CPEB4: variants seen among roughly 807,000 people sequenced by gnomAD.
CPEB4 encodes cytoplasmic polyadenylation element-binding protein 4.
CPEB4 carries 12 observed loss-of-function variants against 72.5 expected under a neutral mutation model. The ratio of observed to expected loss-of-function variants is 0.17; its 90% CI spans 0.11 to 0.27. The LOEUF is 0.27. Ranked by LOEUF, CPEB4 falls within the 10% of genes least tolerant of loss-of-function variation. CPEB4 has a pLI of 1.00. For missense variants in CPEB4, 614 were observed against 908.5 expected (o/e 0.68, Z 4.17); for synonymous variants, 302 against 326.3 (o/e 0.93, Z 0.80).
Position 173,890,105 on chromosome 5 carries a change from G to A in CPEB4, c.372G>A (p.Ser124=), listed in dbSNP as rs920565677. 2.5e-6 allele frequency: 4 copies of A among 1,614,108 alleles called. No homozygotes were observed. In the Admixed American group the frequency reaches 6.7e-5, roughly 27 times the overall value. The stretch of plus-strand genomic sequence containing the variant: ...AAGAAAATCAAGGGGACAATTCTTC[G>A]GAAAATGGCAATGGGAAGGAGAAAA... ...KSEENQGDNS[S]ENGNGKEKIR... is the part of the protein sequence containing the mutation. The change falls in exon 1 of 10, where the codon TCG becomes TCA. Residue 124 remains serine (S), a synonymous_variant. Coordinates refer to ENST00000265085, the MANE Select transcript of CPEB4 (RefSeq NM_030627.4).
In CPEB4 at chr5:173,895,176, GA is replaced by G. The variant is rs572394008; in HGVS notation, c.1125+4328del. Among the ~76,000 whole-genome samples the G allele has an allele frequency of 8.2e-3, 1,218 of 149,150 alleles. 14 individuals are homozygous for G. Among genetic ancestry groups the G allele is most frequent in the Middle Eastern group, 0.014 (4 of 290 alleles). On this transcript the variant is annotated intron_variant, in intron 1 of 9. Transcript: ENST00000265085. ...GGCATGATTGGACCCTTACAGTAAGGAAAAAAAAAATCCTGTCTTACCAAAC... is the reference window on the plus strand; with the variant it reads ...GGCATGATTGGACCCTTACAGTAAGGAAAAAAAAATCCTGTCTTACCAAAC...
At position 173,900,764 on chromosome 5, in the gene CPEB4, C is replaced by T. The variant is rs539380465; in HGVS notation, c.1126-9759C>T. On this transcript the variant is annotated intron_variant, in intron 1 of 9. Coordinates refer to ENST00000265085, the MANE Select transcript of CPEB4 (RefSeq NM_030627.4). The surrounding 1 kb of genome is among the most constrained non-coding windows in gnomAD (Gnocchi z 4.4). The stretch of plus-strand genomic sequence containing the variant: ...GAGTTTCATGCTTTTTTTCATTGCA[C>T]CATAGAAGGGGCAGAGAAATGTTTA... Among the ~76,000 whole-genome samples, 83 of 152,096 alleles carry T rather than the reference C, an allele frequency of 5.5e-4. No individual in the cohort carries two copies. Among genetic ancestry groups the T allele is most frequent in the Admixed American group, 9.8e-4 (15 of 15,292 alleles).
At chr5:173,913,597 G>A (rs748213405) in intron 2 of CPEB4, among the ~76,000 whole-genome samples, 5 of 152,066 alleles carry the variant, frequency 3.3e-5, no homozygotes, top group African/African-American at 9.7e-5. Flanking sequence ...TTTGCTCAAC[G>A]GATAATTGTT....
At chr5:173,930,202 C>T (rs1309187663) in intron 2 of CPEB4, among the ~76,000 whole-genome samples, 12 of 152,076 alleles carry the variant, frequency 7.9e-5, no homozygotes, top group Non-Finnish European at 8.8e-5. Flanking sequence ...TGATTACAAG[C>T]GTGCACCACC....
In CPEB4 at chr5:173,954,414, C is replaced by T. The variant is rs551253977; in HGVS notation, c.1962+1142C>T. 2.3e-4 allele frequency among the ~76,000 whole-genome samples: 35 copies of T among 152,244 alleles called. No individual in the cohort carries two copies. The Middle Eastern group carries it at 0.02, about 89-fold the overall frequency. ...TTGAGATGGAGTCTCTCTCCGTCAC[C>T]CAGGCTGGAGTGCAGTGGTACAGTC... On this transcript the variant is annotated intron_variant, in intron 9 of 9. Coordinates refer to ENST00000265085, the MANE Select transcript of CPEB4 (RefSeq NM_030627.4).
rs1758472651 is a variant in CPEB4, at chr5:173,959,236, TTACA to T, written c.*3101_*3104del. The stretch of plus-strand genomic sequence containing the variant: ...TACTTACAATGTAGTTACAGAGTAA[TTACA>T]TGGTGATTTTTGCAATGTAAAATAA... On this transcript the variant is annotated 3_prime_UTR_variant, in exon 10 of 10. Coordinates refer to ENST00000265085, the MANE Select transcript of CPEB4 (RefSeq NM_030627.4). The T allele has an allele frequency of 6.5e-6, 1 of 152,780 alleles. No individual in the cohort carries two copies. Among genetic ancestry groups the T allele is most frequent in the Non-Finnish European group, 1.5e-5 (1 of 68,024 alleles). The allele number at this position is 152,780 out of a possible 1,614,324, so 9.5% of individuals were successfully genotyped here. A position where few individuals can be genotyped will look rare whatever the true frequency, so the allele number is the denominator to read the frequency against.
chr5:173,906,926 G>A (rs1756457305), intron 1 of CPEB4, among the ~76,000 whole-genome samples: 1 of 152,168 alleles, frequency 6.6e-6, no homozygotes, highest in Non-Finnish European at 1.5e-5. Context: ...GGTAGTGGGA[G>A]GAAAGTGTGG....
In CPEB4 at chr5:173,889,464, C is replaced by T. The variant is rs1454729507; in HGVS notation, c.-270C>T. 9.3e-6 allele frequency: 3 copies of T among 322,424 alleles called. No individual in the cohort carries two copies. Among genetic ancestry groups the T allele is most frequent in the African/African-American group, 2.2e-5 (1 of 46,432 alleles). The allele number at this position is 322,424 out of a possible 1,614,324, so 20.0% of individuals were successfully genotyped here. On this transcript the variant is annotated 5_prime_UTR_variant, in exon 1 of 10. Transcript: ENST00000265085. The stretch of plus-strand genomic sequence containing the variant: ...TACTAACCAAAGACTTGATTTTTAC[C>T]CTCTTCATTTTTATTCCCTCCTAAA...
chr5:173,898,450 T>C (rs1206362589), intron 1 of CPEB4, among the ~76,000 whole-genome samples: 1 of 152,216 alleles, frequency 6.6e-6, no homozygotes, highest in Non-Finnish European at 1.5e-5. Flanking sequence ...ATTAGCTATG[T>C]GACCTAGGCA....
At position 173,957,023 on chromosome 5, in the gene CPEB4, C is replaced by T. The variant is rs929657188; in HGVS notation, c.*886C>T. On this transcript the variant is annotated 3_prime_UTR_variant, in exon 10 of 10. Coordinates refer to ENST00000265085, the MANE Select transcript of CPEB4 (RefSeq NM_030627.4). ...ACTGGTGGGAAACCTAGCATTTCCT[C>T]TCCTGAAGAATAAATGTATAAATGT... is the stretch of plus-strand genomic sequence containing the variant. The T allele has an allele frequency of 1.6e-4, 24 of 152,622 alleles. No homozygotes were observed. The highest frequency in any genetic ancestry group is 4.8e-4 in the African/African-American group (20 of 41,430). The allele number at this position is 152,622 out of a possible 1,614,324, so 9.5% of individuals were successfully genotyped here. A position where few individuals can be genotyped will look rare whatever the true frequency, so the allele number is the denominator to read the frequency against.
In CPEB4 at chr5:173,889,673, A is replaced by G; in HGVS notation, c.-61A>G. 1 of 1,433,826 alleles carries G rather than the reference A, an allele frequency of 7.0e-7. No homozygotes were observed. Among genetic ancestry groups the G allele is most frequent in the Non-Finnish European group, 9.4e-7 (1 of 1,062,236 alleles). 88.8% of individuals were successfully genotyped at this position (1,433,826 alleles called of 1,614,324 possible). ...ACTTAAATTTGGGGTAGAGGAAAAA[A>G]AAGGCGTGAGACATCAGGTTGTCAT... On this transcript the variant is annotated 5_prime_UTR_variant, in exon 1 of 10. Transcript: ENST00000265085.
chr5:173,903,844 A>G (rs138012964), intron 1 of CPEB4, among the ~76,000 whole-genome samples: 30 of 151,392 alleles, frequency 2.0e-4, no homozygotes, highest in Admixed American at 9.2e-4. Flanking sequence ...GTGTATACTA[A>G]AAACAAGGGT....
At position 173,900,113 on chromosome 5, in the gene CPEB4, G is replaced by C. The variant is rs546167579; in HGVS notation, c.1125+9255G>C. Among the ~76,000 whole-genome samples, 1 of 152,210 alleles carries C rather than the reference G, an allele frequency of 6.6e-6. No homozygotes were observed. Among genetic ancestry groups the C allele is most frequent in the African/African-American group, 2.4e-5 (1 of 41,550 alleles). On this transcript the variant is annotated intron_variant, in intron 1 of 9. Coordinates refer to ENST00000265085, the MANE Select transcript of CPEB4 (RefSeq NM_030627.4). The surrounding 1 kb of genome is among the most constrained non-coding windows in gnomAD (Gnocchi z 4.4). ...ACATAAGCTTCAGTTTAGGAATAAA[G>C]GTTGTGCATTGGCCAGGTGTGGTGG...
In CPEB4 at chr5:173,905,138, C is replaced by T. The variant is rs536133090; in HGVS notation, c.1126-5385C>T. 7.9e-5 allele frequency among the ~76,000 whole-genome samples: 12 copies of T among 151,850 alleles called. No individual in the cohort carries two copies. In the South Asian group the frequency reaches 1.9e-3, roughly 24 times the overall value. On this transcript the variant is annotated intron_variant, in intron 1 of 9. Coordinates refer to ENST00000265085, the MANE Select transcript of CPEB4 (RefSeq NM_030627.4). ...GTAGGTCTGCTTTTCTAATTTCTCC[C>T]TTTAGGGTGCCAAGAGAAACTGGCA...
At chr5:173,926,620 C>A (rs1479605966) in intron 2 of CPEB4, among the ~76,000 whole-genome samples, 2 of 152,200 alleles carry the variant, frequency 1.3e-5, no homozygotes, top group African/African-American at 4.8e-5. Flanking sequence ...GCTTCTGGTT[C>A]CAAATTCTGC....
chr5:173,892,990 T>G (rs1212394812), intron 1 of CPEB4: 1 of 144,230 alleles, frequency 6.9e-6, no homozygotes, highest in Non-Finnish European at 1.5e-5. Flanking sequence ...CCCCACCATT[T>G]GTAGCTCTGT....
At chr5:173,919,475 G>A (rs1342967345) in intron 2 of CPEB4, among the ~76,000 whole-genome samples, 1 of 152,196 alleles carries the variant, frequency 6.6e-6, no homozygotes, top group Non-Finnish European at 1.5e-5. Context: ...TTAATAGAGT[G>A]TATTGTGCAC....
Position 173,892,274 on chromosome 5 carries a change from AT to A in CPEB4, c.1125+1431del, listed in dbSNP as rs71820084. ...ATTTAGTTTTCGACTTCTAAAAACG[AT>A]TTTTTTTTTTTTTTGCCTATCAAAA... On this transcript the variant is annotated intron_variant, in intron 1 of 9. Transcript: ENST00000265085. 2.3e-3 allele frequency among the ~76,000 whole-genome samples: 280 copies of A among 120,716 alleles called. 4 individuals are homozygous for A. The highest frequency in any genetic ancestry group is 2.9e-3 in the Admixed American group (35 of 12,122). 79.2% of individuals were successfully genotyped at this position (120,716 alleles called of 152,430 possible).
In CPEB4 at chr5:173,904,335, A is replaced by G. The variant is rs185177457; in HGVS notation, c.1126-6188A>G. Among the ~76,000 whole-genome samples, 222 of 152,324 alleles carry G rather than the reference A, an allele frequency of 1.5e-3. 1 individual carries two copies. The highest frequency in any genetic ancestry group is 2.4e-3 in the Non-Finnish European group (166 of 68,028). On this transcript the variant is annotated intron_variant, in intron 1 of 9. Coordinates refer to ENST00000265085, the MANE Select transcript of CPEB4 (RefSeq NM_030627.4). ...AATGTTAGCTGCTGATAGTAATCCT[A>G]TTAGTACTGTTACTACCACCAGTAC...
Sources: gnomAD v4.1 joint callset for allele counts (sites outside exome capture counted in the v4.1 genomes callset) on GRCh38, gnomAD v4.1.1 for gene constraint, Gnocchi (gnomAD v3.1) non-coding constraint, MANE v1.5 for transcripts, NCBI Gene and HGNC (gene_info 2026-07-23, HGNC 2026-07-21) for gene names.